Variants in CACNA1I observed in about 807,000 individuals in gnomAD.
The protein encoded by CACNA1I is voltage-dependent T-type calcium channel subunit alpha-1I.
Under a neutral mutation model 201.6 loss-of-function variants are expected in CACNA1I, and 74 were observed. That is an observed-to-expected ratio of 0.37 (90% CI 0.30 to 0.45). The LOEUF is 0.45. Ranked by LOEUF, CACNA1I falls within the 20% of genes least tolerant of loss-of-function variation. The probability of loss-of-function intolerance (pLI) is 1.00; values close to 1 mark genes in which losing one functional copy is unlikely to be tolerated. For synonymous variants in CACNA1I, 1,431 were observed against 1,345.2 expected, an observed-to-expected ratio of 1.06 and a Z score of -1.40; for missense variants, 2,346 against 3,138.1, an observed-to-expected ratio of 0.75 and a Z score of 6.03.
chr22:39,620,969 G>T (rs1187040804), intron 4 of CACNA1I, among the ~76,000 whole-genome samples: 1 of 152,124 alleles, frequency 6.6e-6, no homozygotes, highest in Non-Finnish European at 1.5e-5. Flanking sequence ...TATTGGTCAG[G>T]CTGGTCTCGA....
Position 39,629,722 on chromosome 22 carries a change from C to T in CACNA1I, c.581-4843C>T, listed in dbSNP as rs1313747065. 1.3e-5 allele frequency among the ~76,000 whole-genome samples: 2 copies of T among 152,102 alleles called. No homozygotes were observed. Among genetic ancestry groups the T allele is most frequent in the Non-Finnish European group, 2.9e-5 (2 of 68,020 alleles). ...CGGTTTCTGTCCCACGTGAGACCCC[C>T]GGGAGGCAGCGACCACACAGCTGTG... On this transcript the variant is annotated intron_variant, in intron 4 of 36. Coordinates refer to ENST00000402142, the MANE Select transcript of CACNA1I (RefSeq NM_021096.4). This position sits in a 1 kb window ranked among gnomAD's most constrained non-coding sequence, Gnocchi z 4.8.
intron 1 of CACNA1I, among the ~76,000 whole-genome samples, chr22:39,597,396 G>T (rs985207813): frequency 2.5e-4 from 38 of 152,196 alleles, no homozygotes; most frequent in African/African-American, 8.7e-4. Context: ...GGGGCTCTCA[G>T]CAGTGGTGAG....
chr22:39,577,709 G>A (rs976134178), intron 1 of CACNA1I, among the ~76,000 whole-genome samples: 8 of 152,380 alleles, frequency 5.3e-5, no homozygotes, highest in South Asian at 2.1e-4. Context: ...GAGAAACGAC[G>A]GTGGACCAGC....
chr22:39,583,326 A>G (rs1932641109), intron 1 of CACNA1I, among the ~76,000 whole-genome samples: 1 of 149,440 alleles, frequency 6.7e-6, no homozygotes, highest in Admixed American at 6.7e-5. Flanking sequence ...ACATTCATCT[A>G]TCCAACCATC....
Position 39,588,119 on chromosome 22 carries a change from T to G in CACNA1I, c.237-10032T>G, listed in dbSNP as rs1932778187. Among the ~76,000 whole-genome samples, 5 of 146,158 alleles carry G rather than the reference T, an allele frequency of 3.4e-5. No individual in the cohort carries two copies. The Admixed American group carries it at 3.5e-4, about 10-fold the overall frequency. Reference sequence around the variant, plus strand: ...GCATTTTTGTTTTTCCTTAAAGCAGTTGCTCTTCATTTTTTTTTTTTTTTT... The same window carrying G: ...GCATTTTTGTTTTTCCTTAAAGCAGGTGCTCTTCATTTTTTTTTTTTTTTT... On this transcript the variant is annotated intron_variant, in intron 1 of 36. Transcript: ENST00000402142.
chr22:39,601,385 A>G (rs772942714), intron 3 of CACNA1I, among the ~76,000 whole-genome samples: 3 of 152,230 alleles, frequency 2.0e-5, no homozygotes, highest in Non-Finnish European at 2.9e-5. Flanking sequence ...TGGGCAAAGC[A>G]TGTGGTTTGC....
intron 7 of CACNA1I, among the ~76,000 whole-genome samples, chr22:39,645,424 G>A (rs1365183203): frequency 6.6e-6 from 1 of 152,182 alleles, no homozygotes; most frequent in Non-Finnish European, 1.5e-5. Flanking sequence ...GCGGGTAGGA[G>A]CCTGACAAGC....
intron 1 of CACNA1I, among the ~76,000 whole-genome samples, chr22:39,584,700 T>C (rs964586091): frequency 6.6e-6 from 1 of 152,210 alleles, no homozygotes; most frequent in South Asian, 2.1e-4. Flanking sequence ...CTGGGGTTCA[T>C]GAGCTTGCAT....
At chr22:39,599,772 T>C (rs937176934) in intron 2 of CACNA1I, among the ~76,000 whole-genome samples, 1 of 152,162 alleles carries the variant, frequency 6.6e-6, no homozygotes, top group African/African-American at 2.4e-5. Context: ...CATGGTGAGT[T>C]CACCGAACAA....
intron 1 of CACNA1I, among the ~76,000 whole-genome samples, chr22:39,593,010 G>A (rs962239089): frequency 3.3e-5 from 5 of 152,260 alleles, no homozygotes; most frequent in Non-Finnish European, 7.3e-5. Context: ...GCTCTTGGAA[G>A]GGGCCCAAGC....
At position 39,662,279 on chromosome 22, in the gene CACNA1I, C is replaced by T. The variant is rs1266930523; in HGVS notation, c.3216C>T (p.Pro1072=). ...RDSVDLAELV[P]AVGAHPRAAW... ...CGGTGGACCTGGCCGAGCTGGTGCC[C>T]GCGGTGGGCGCCCACCCCCGGGCCG... Residue 1072 remains proline, a synonymous_variant, in exon 17 of 37, where the codon CCC becomes CCT. Coordinates refer to ENST00000402142, the MANE Select transcript of CACNA1I (RefSeq NM_021096.4). 3.3e-6 allele frequency: 5 copies of T among 1,515,438 alleles called. No individual in the cohort carries two copies. The highest frequency in any genetic ancestry group is 2.7e-5 in the East Asian group (1 of 37,580). The allele number at this position is 1,515,438 out of a possible 1,614,324, so 93.9% of individuals were successfully genotyped here.
At position 39,634,599 on chromosome 22, in the gene CACNA1I, A is replaced by G; in HGVS notation, c.615A>G (p.Thr205=). Residue 205 remains threonine (T), a synonymous_variant, in exon 5 of 37, where the codon ACA becomes ACG. Transcript: ENST00000402142. ...MRILVNLLLD[T]LPMLGNVLLL... is the part of the protein sequence containing the mutation. ...TCCTGGTGAACCTGCTCCTGGACAC[A>G]CTGCCCATGCTGGGGAATGTCCTGC... The G allele has an allele frequency of 1.9e-6, 3 of 1,613,632 alleles. No homozygotes were observed. Among genetic ancestry groups the G allele is most frequent in the South Asian group, 1.1e-5 (1 of 91,048 alleles).
At chr22:39,675,932 G>A (rs941904893) in intron 29 of CACNA1I, among the ~76,000 whole-genome samples, 1 of 152,212 alleles carries the variant, frequency 6.6e-6, no homozygotes, top group Non-Finnish European at 1.5e-5. Flanking sequence ...TCAGTGCTAG[G>A]GCAGCAGAAT....
intron 33 of CACNA1I, among the ~76,000 whole-genome samples, chr22:39,680,262 C>T (rs1275918366): frequency 6.6e-6 from 1 of 152,214 alleles, no homozygotes; most frequent in African/African-American, 2.4e-5. Context: ...TCCAGGTGCC[C>T]TGTCCTGGCC....
intron 6 of CACNA1I, among the ~76,000 whole-genome samples, chr22:39,642,360 C>T (rs987609464): frequency 1.3e-5 from 2 of 152,168 alleles, no homozygotes; most frequent in Non-Finnish European, 2.9e-5. Flanking sequence ...GACAAAGTCA[C>T]ACCAGCCTCA....
chr22:39,603,436 T>C (rs529854507), intron 3 of CACNA1I, among the ~76,000 whole-genome samples: 1 of 152,352 alleles, frequency 6.6e-6, no homozygotes, highest in Admixed American at 6.5e-5. Flanking sequence ...TTCCTCAGTG[T>C]CTTTTTAATT....
At chr22:39,580,181 C>T (rs5750853) in intron 1 of CACNA1I, among the ~76,000 whole-genome samples, 56,855 of 152,086 alleles carry the variant, frequency 0.37, 11,915 homozygotes, top group East Asian at 0.81. Flanking sequence ...GTGTCCCTTC[C>T]GCCTTCAGTC....
In CACNA1I at chr22:39,677,813, C is replaced by T. The variant is rs954350989; in HGVS notation, c.4934-174C>T. Among the ~76,000 whole-genome samples the T allele has an allele frequency of 4.6e-5, 7 of 152,230 alleles. No homozygotes were observed. The highest frequency in any genetic ancestry group is 7.3e-5 in the Non-Finnish European group (5 of 68,036). On this transcript the variant is annotated intron_variant, in intron 30 of 36. Transcript: ENST00000402142. This position sits in a 1 kb window ranked among gnomAD's most constrained non-coding sequence, Gnocchi z 4.8. ...AGAGCCAGACTCACCCAAACCTGAG[C>T]CCCAGCTCATGTGCCATCTCCCCGA... is the stretch of plus-strand genomic sequence containing the variant.
chr22:39,682,658 C>A lies in CACNA1I; in HGVS notation c.5827C>A (p.Gln1943Lys). ...GTCCTGGCTGAAACATGACAGCAGT[C>A]AAGGTGAGGGGTGGGAGCCCTGCCA... ...VRSWLKHDSSQAPPSPFSPDA... is the reference protein window; with the variant it reads ...VRSWLKHDSSKAPPSPFSPDA... Residue 1943 changes from glutamine (Q) to lysine (K), a missense_variant, in exon 35 of 37, where the codon CAA (glutamine) becomes AAA (lysine). Physicochemically the swap from Gln to Lys is moderately conservative, Grantham distance 53 (BLOSUM62 1). Coordinates refer to ENST00000402142, the MANE Select transcript of CACNA1I (RefSeq NM_021096.4). 6.2e-7 allele frequency: 1 copy of A among 1,611,806 alleles called. No homozygotes were observed. The highest frequency in any genetic ancestry group is 1.1e-5 in the South Asian group (1 of 90,832).
Sources: allele counts gnomAD v4.1 joint callset (sites outside exome capture counted in the v4.1 genomes callset), GRCh38; gene constraint gnomAD v4.1.1; non-coding constraint Gnocchi (gnomAD v3.1); transcripts MANE v1.5; gene names NCBI Gene and HGNC (gene_info 2026-07-23, HGNC 2026-07-21).